Variants in BABAM2 observed in about 807,000 individuals in gnomAD.
The protein encoded by BABAM2 is BRISC and BRCA1-A complex member 2.
Under a neutral mutation model 54.7 loss-of-function variants are expected in BABAM2, and 31 were observed. The ratio of observed to expected loss-of-function variants is 0.57; its 90% CI spans 0.43 to 0.77. BABAM2 has a LOEUF of 0.77. BABAM2 is among the 30% of genes least tolerant of loss of function. The pLI, the probability that BABAM2 is intolerant of heterozygous loss-of-function variation, is 0.00. For missense variants in BABAM2, 364 were observed against 455.8 expected, an observed-to-expected ratio of 0.80 and a Z score of 1.83; for synonymous variants, 167 against 162.9, an observed-to-expected ratio of 1.03 and a Z score of -0.19.
chr2:28,156,145 TG>T (rs1039231140), intron 7 of BABAM2, among the ~76,000 whole-genome samples: 12 of 152,180 alleles, frequency 7.9e-5, no homozygotes, highest in African/African-American at 2.9e-4. Context: ...AGAGTTAGTG[TG>T]GGAAGGTTAT....
At chr2:28,161,366 T>A (rs911066767) in intron 7 of BABAM2, among the ~76,000 whole-genome samples, 1 of 152,092 alleles carries the variant, frequency 6.6e-6, no homozygotes, top group African/African-American at 2.4e-5. Context: ...TGAGCCAGTT[T>A]CCAGTCAGAT....
At chr2:28,137,229 C>G (rs1670626085) in intron 7 of BABAM2, among the ~76,000 whole-genome samples, 1 of 152,104 alleles carries the variant, frequency 6.6e-6, no homozygotes, top group African/African-American at 2.4e-5. Flanking sequence ...TTAATTTAGC[C>G]TTACTCATGT....
At chr2:28,220,524 T>C (rs1489527492) in intron 7 of BABAM2, among the ~76,000 whole-genome samples, 2 of 150,296 alleles carry the variant, frequency 1.3e-5, no homozygotes, top group Admixed American at 6.6e-5. Context: ...CCTTAGTGCC[T>C]CTCTCTCTCT....
chr2:28,255,425 C>T (rs968202159), intron 10 of BABAM2, among the ~76,000 whole-genome samples: 1 of 152,164 alleles, frequency 6.6e-6, no homozygotes, highest in South Asian at 2.1e-4. Context: ...AGACATGCAC[C>T]GTCATGCCCG....
At chr2:27,929,269 C>G (rs1394144868) in intron 2 of BABAM2, among the ~76,000 whole-genome samples, 2 of 152,026 alleles carry the variant, frequency 1.3e-5, no homozygotes, top group Non-Finnish European at 2.9e-5. Flanking sequence ...ATAACTACCC[C>G]CCACCTTTTA....
At chr2:28,308,393 G>A in intron 11 of BABAM2, 2 of 507,810 alleles carry the variant, frequency 3.9e-6, no homozygotes, top group South Asian at 2.9e-5. Context: ...TCATCATCAG[G>A]TTCCCCCAAC....
At position 27,906,264 on chromosome 2, in the gene BABAM2, G is replaced by A. The variant is rs572404281; in HGVS notation, c.128+11580G>A. Among the ~76,000 whole-genome samples, 6 of 152,254 alleles carry A rather than the reference G, an allele frequency of 3.9e-5. No homozygotes were observed. The East Asian group carries it at 1.2e-3, about 29-fold the overall frequency. ...ATTTTAAGTGTTTTACTGAGGGCAG[G>A]ATGTCCATCAGGAAGTATTCCTTGG... is the stretch of plus-strand genomic sequence containing the variant. On this transcript the variant is annotated intron_variant, in intron 2 of 11. Coordinates refer to ENST00000379624, the MANE Select transcript of BABAM2 (RefSeq NM_199191.3).
At chr2:28,209,667 C>CA (rs751065247) in intron 7 of BABAM2, among the ~76,000 whole-genome samples, 34 of 152,092 alleles carry the variant, frequency 2.2e-4, no homozygotes, top group Non-Finnish European at 4.4e-4. Context: ...GACACTCGTC[C>CA]AGCCATTGAG....
At chr2:28,045,662 A>G (rs553359291) in intron 5 of BABAM2, 63 bp from the exon 6 acceptor site, 462 of 1,422,228 alleles carry the variant, frequency 3.2e-4, no homozygotes, top group Non-Finnish European at 3.3e-4. Context: ...GGCCTTGGCT[A>G]TAATTGTCAC....
chr2:28,253,059 T>C (rs1456749823), intron 10 of BABAM2, among the ~76,000 whole-genome samples: 1 of 152,204 alleles, frequency 6.6e-6, no homozygotes, highest in Non-Finnish European at 1.5e-5. Context: ...TATTATGTTT[T>C]GGTGCAGAGC....
intron 3 of BABAM2, among the ~76,000 whole-genome samples, chr2:27,971,105 C>T (rs896461562): frequency 6.6e-6 from 1 of 151,912 alleles, no homozygotes; most frequent in Non-Finnish European, 1.5e-5. Context: ...ATAAAGATAC[C>T]TTTTCTCAAT....
chr2:28,026,170 G>A (rs1023617286), intron 5 of BABAM2, among the ~76,000 whole-genome samples: 5 of 152,102 alleles, frequency 3.3e-5, no homozygotes, highest in Non-Finnish European at 5.9e-5. Flanking sequence ...GGAAGACAGC[G>A]TGGTGATTCC....
chr2:27,913,093 A>G (rs1255665692), intron 2 of BABAM2, among the ~76,000 whole-genome samples: 5 of 152,190 alleles, frequency 3.3e-5, no homozygotes, highest in Admixed American at 2.6e-4. Context: ...ACAGATTAAA[A>G]AAAATGTAGC....
At position 28,163,851 on chromosome 2, in the gene BABAM2, C is replaced by T. The variant is rs1025842254; in HGVS notation, c.680+34471C>T. On this transcript the variant is annotated intron_variant, in intron 7 of 11. Coordinates refer to ENST00000379624, the MANE Select transcript of BABAM2 (RefSeq NM_199191.3). Reference sequence around the variant, plus strand: ...TGGAGATGAGAATTGAGGCCATCCACCCCTTGTGGGTGTTTTCCTCAGGGC... The same window carrying T: ...TGGAGATGAGAATTGAGGCCATCCATCCCTTGTGGGTGTTTTCCTCAGGGC... Among the ~76,000 whole-genome samples, 3 of 152,328 alleles carry T rather than the reference C, an allele frequency of 2.0e-5. No homozygotes were observed. In the East Asian group the frequency reaches 5.8e-4, roughly 29 times the overall value.
At chr2:28,068,548 TC>T (rs1208752617) in intron 6 of BABAM2, among the ~76,000 whole-genome samples, 2 of 152,200 alleles carry the variant, frequency 1.3e-5, no homozygotes, top group Non-Finnish European at 2.9e-5. Flanking sequence ...ACTCTTATAT[TC>T]CATTTTGGAA....
In BABAM2 at chr2:28,040,294, C is replaced by CTTTTTTTTTTTTTTTTTTTTTTTTTTT. The variant is rs397735161; in HGVS notation, c.496-5407_496-5406insTTTTTTTTTTTTTTTTTTTTTTTTTTT. 1.2e-4 allele frequency among the ~76,000 whole-genome samples: 7 copies of CTTTTTTTTTTTTTTTTTTTTTTTTTTT among 59,492 alleles called. 1 individual carries two copies. Among genetic ancestry groups the CTTTTTTTTTTTTTTTTTTTTTTTTTTT allele is most frequent in the Non-Finnish European group, 1.5e-4 (5 of 33,474 alleles). 39.0% of individuals were successfully genotyped at this position (59,492 alleles called of 152,430 possible). A position where few individuals can be genotyped will look rare whatever the true frequency, so the allele number is the denominator to read the frequency against. ...CAGTGCCAGAATGAAAAACTGAATT[C>CTTTTTTTTTTTTTTTTTTTTTTTTTTT]TTTTTTTTTTTTTTTTTTTTTTTTG... On this transcript the variant is annotated intron_variant, in intron 5 of 11. Coordinates refer to ENST00000379624, the MANE Select transcript of BABAM2 (RefSeq NM_199191.3).
At chr2:28,060,909 G>A (rs1344060370) in intron 6 of BABAM2, among the ~76,000 whole-genome samples, 1 of 152,056 alleles carries the variant, frequency 6.6e-6, no homozygotes, top group Non-Finnish European at 1.5e-5. Flanking sequence ...TCCTAAATTG[G>A]CATATAGATC....
At chr2:28,025,080 ATC>A in intron 4 of BABAM2, 144 bp from the exon 5 acceptor site, 1 of 625,990 alleles carries the variant, frequency 1.6e-6, no homozygotes, top group East Asian at 3.1e-5. Context: ...CTCTAACTTC[ATC>A]TCTGGGTATA....
Position 28,146,385 on chromosome 2 carries a change from A to G in BABAM2, c.680+17005A>G, listed in dbSNP as rs569498757. Among the ~76,000 whole-genome samples, 3 of 152,356 alleles carry G rather than the reference A, an allele frequency of 2.0e-5. No homozygotes were observed. In the East Asian group the frequency reaches 5.8e-4, roughly 29 times the overall value. On this transcript the variant is annotated intron_variant, in intron 7 of 11. Transcript: ENST00000379624. ...TGTGCATATTAGCATTTCCTACATT[A>G]GATCATTTATGTCCCCGATAGCAGA...
Sources: gnomAD v4.1 joint callset for allele counts (sites outside exome capture counted in the v4.1 genomes callset) on GRCh38, gnomAD v4.1.1 for gene constraint, MANE v1.5 for transcripts, NCBI Gene and HGNC (gene_info 2026-07-23, HGNC 2026-07-21) for gene names.